NEMP2: variants seen among roughly 807,000 people sequenced by gnomAD.
NEMP2 encodes the protein nuclear envelope integral membrane protein 2.
A neutral mutation model predicts 54.2 loss-of-function variants in NEMP2; 53 were observed. That is an observed-to-expected ratio of 0.98 (90% confidence interval 0.78 to 1.23). The LOEUF (loss-of-function observed/expected upper bound fraction) is 1.23. Among genes scored for constraint, NEMP2 ranks in the 50% most tolerant of loss-of-function variants. The pLI, the probability that NEMP2 is intolerant of heterozygous loss-of-function variation, is 0.00. For missense variants in NEMP2, 455 were observed against 511.3 expected (o/e 0.89, Z 1.06); for synonymous variants, 197 against 190.3 (o/e 1.04, Z -0.29).
In NEMP2 at chr2:190,523,950, C is replaced by G. The variant is rs1690840768; in HGVS notation, c.213+1313G>C. Among the ~76,000 whole-genome samples, 1 of 152,014 alleles carries G rather than the reference C, an allele frequency of 6.6e-6. No homozygotes were observed. Among genetic ancestry groups the G allele is most frequent in the Non-Finnish European group, 1.5e-5 (1 of 68,012 alleles). ...AGGCGCAGTGGCTTGCGCCTGTAAT[C>G]CCAGCATTCTGGGAGGCTGAGGCAG... On this transcript the variant is annotated intron_variant, in intron 2 of 8. Transcript: ENST00000409150. The surrounding 1 kb of genome is among the most constrained non-coding windows in gnomAD (Gnocchi z 5.3).
At chr2:190,488,527 A>G in the NEMP2 span, 2 of 882,648 alleles carry the variant, frequency 2.3e-6, no homozygotes, top group East Asian at 2.9e-5. This position sits in a 1 kb window ranked among gnomAD's most constrained non-coding sequence, Gnocchi z 6.4. Flanking sequence ...TGAAAATGGT[A>G]AATTTTTAAT....
chr2:190,463,811 C>A, the NEMP2 span: 1 of 901,856 alleles, frequency 1.1e-6, no homozygotes, highest in Non-Finnish European at 1.3e-6. This position sits in a 1 kb window ranked among gnomAD's most constrained non-coding sequence, Gnocchi z 4.4. Flanking sequence ...CAGAGCAAGA[C>A]CCTGTCTCAA....
rs1690984378 is a variant in NEMP2 at position 190,527,563 on chromosome 2, T to C, written c.98-2185A>G. On this transcript the variant is annotated intron_variant, in intron 1 of 8. Coordinates refer to ENST00000409150, the MANE Select transcript of NEMP2 (RefSeq NM_001142645.2). The surrounding 1 kb of genome is among the most constrained non-coding windows in gnomAD (Gnocchi z 4.0). ...ATATGTTTCTAAATATATCAAGAAATTTGCAGAGTTTGAGAGTCCAAGATG... is the reference window on the plus strand; with the variant it reads ...ATATGTTTCTAAATATATCAAGAAACTTGCAGAGTTTGAGAGTCCAAGATG... Among the ~76,000 whole-genome samples, 2 of 152,110 alleles carry C rather than the reference T, an allele frequency of 1.3e-5. No homozygotes were observed. The highest frequency in any genetic ancestry group is 6.5e-5 in the Admixed American group (1 of 15,284).
chr2:190,621,281 A>G, the NEMP2 span, among the ~76,000 whole-genome samples: 2 of 152,250 alleles, frequency 1.3e-5, no homozygotes, highest in Non-Finnish European at 2.9e-5. Flanking sequence ...TATTGCTCCT[A>G]GGCTACAAAC....
At chr2:190,517,932 G>A (rs1690619243) in intron 4 of NEMP2, among the ~76,000 whole-genome samples, 1 of 152,172 alleles carries the variant, frequency 6.6e-6, no homozygotes, top group East Asian at 1.9e-4. Flanking sequence ...GCACCAAAAA[G>A]TTAAAAAATC....
the NEMP2 span, among the ~76,000 whole-genome samples, chr2:190,485,034 T>G: frequency 1.3e-5 from 2 of 152,216 alleles, no homozygotes; most frequent in Non-Finnish European, 2.9e-5. The surrounding 1 kb of genome is among the most constrained non-coding windows in gnomAD (Gnocchi z 5.1). Context: ...GAAGTCTAAC[T>G]GTGGAGAATC....
At chr2:190,639,636 G>GTT in the NEMP2 span, among the ~76,000 whole-genome samples, 103 of 143,980 alleles carry the variant, frequency 7.2e-4, no homozygotes, top group Middle Eastern at 3.6e-3. Flanking sequence ...TTATTGTTGA[G>GTT]TTTTTTTTTT....
the NEMP2 span, among the ~76,000 whole-genome samples, chr2:190,600,854 G>C: frequency 6.6e-6 from 1 of 152,098 alleles, no homozygotes; most frequent in Non-Finnish European, 1.5e-5. The surrounding 1 kb of genome is among the most constrained non-coding windows in gnomAD (Gnocchi z 4.9). Context: ...GCAGGAATGT[G>C]CGGTGGCAGC....
At chr2:190,583,348 G>T in the NEMP2 span, among the ~76,000 whole-genome samples, 1 of 151,704 alleles carries the variant, frequency 6.6e-6, no homozygotes, top group Non-Finnish European at 1.5e-5. Flanking sequence ...AAACATAAAT[G>T]AAGGCCTTGT....
the NEMP2 span, among the ~76,000 whole-genome samples, chr2:190,558,573 A>G: frequency 6.6e-6 from 1 of 152,224 alleles, no homozygotes; most frequent in Non-Finnish European, 1.5e-5. This position sits in a 1 kb window ranked among gnomAD's most constrained non-coding sequence, Gnocchi z 4.4. Flanking sequence ...TAAAATTGTT[A>G]TAGCTGGTAA....
chr2:190,532,844 C>T (rs138757152), intron 1 of NEMP2, among the ~76,000 whole-genome samples: 118 of 152,300 alleles, frequency 7.7e-4, no homozygotes, highest in Middle Eastern at 3.4e-3. Context: ...AGATGCTGGG[C>T]GCTTCACAGT....
At chr2:190,449,113 A>G in the NEMP2 span, among the ~76,000 whole-genome samples, 1 of 152,248 alleles carries the variant, frequency 6.6e-6, no homozygotes, top group Admixed American at 6.5e-5. Context: ...TATTTTGTAT[A>G]ACAACCATGG....
the NEMP2 span, chr2:190,488,829 C>T: frequency 1.4e-5 from 22 of 1,527,664 alleles, no homozygotes; most frequent in East Asian, 2.4e-5. The surrounding 1 kb of genome is among the most constrained non-coding windows in gnomAD (Gnocchi z 6.4). Context: ...GTAAGAATGG[C>T]TTTCTCCTTT....
At chr2:190,432,918 T>TA in the NEMP2 span, among the ~76,000 whole-genome samples, 1 of 151,318 alleles carries the variant, frequency 6.6e-6, no homozygotes, top group Admixed American at 6.6e-5. Flanking sequence ...CTAATATAGC[T>TA]AACTCATGAG....
the NEMP2 span, among the ~76,000 whole-genome samples, chr2:190,597,275 A>AG: frequency 2.0e-5 from 3 of 151,768 alleles, no homozygotes; most frequent in African/African-American, 7.3e-5. This position sits in a 1 kb window ranked among gnomAD's most constrained non-coding sequence, Gnocchi z 4.7. Context: ...AAAAAAAAAA[A>AG]AGCTTTCTAA....
chr2:190,555,609 A>T, the NEMP2 span, among the ~76,000 whole-genome samples: 1 of 151,966 alleles, frequency 6.6e-6, no homozygotes, highest in Non-Finnish European at 1.5e-5. The surrounding 1 kb of genome is among the most constrained non-coding windows in gnomAD (Gnocchi z 4.8). Context: ...AAGCGAGAAG[A>T]CATGCTAAAA....
the NEMP2 span, among the ~76,000 whole-genome samples, chr2:190,545,764 TTCTC>T: frequency 6.6e-6 from 1 of 152,000 alleles, no homozygotes; most frequent in Non-Finnish European, 1.5e-5. Context: ...TGCTTCTATG[TTCTC>T]TCTCTCTCTT....
At position 190,517,534 on chromosome 2, in the gene NEMP2, T is replaced by G. The variant is rs1376785497; in HGVS notation, c.598A>C (p.Arg200=). Residue 200 remains arginine, a synonymous_variant, in exon 5 of 9, where the codon AGA becomes CGA. Transcript: ENST00000409150. ...AGTATGCCTACCTTCGGAATGAATC[T>G]TTTCACCAACAGCAAGACAAAGACT... The part of the protein sequence containing the change: ...TLVFVLLLVK[R]FIPKYSTFWA... The G allele has an allele frequency of 6.5e-7, 1 of 1,549,792 alleles. No homozygotes were observed. The highest frequency in any genetic ancestry group is 1.2e-5 in the South Asian group (1 of 83,514).
chr2:190,461,482 A>G, the NEMP2 span, among the ~76,000 whole-genome samples: 1 of 152,210 alleles, frequency 6.6e-6, no homozygotes, highest in African/African-American at 2.4e-5. This position sits in a 1 kb window ranked among gnomAD's most constrained non-coding sequence, Gnocchi z 5.5. Flanking sequence ...CATAAATATT[A>G]CAATACTATA....
Sources: allele counts gnomAD v4.1 joint callset (sites outside exome capture counted in the v4.1 genomes callset), GRCh38; gene constraint gnomAD v4.1.1; non-coding constraint Gnocchi (gnomAD v3.1); transcripts MANE v1.5; gene names NCBI Gene and HGNC (gene_info 2026-07-23, HGNC 2026-07-21).